GFPT1: variants seen among roughly 807,000 people sequenced by gnomAD.
GFPT1 encodes glutamine--fructose-6-phosphate aminotransferase [isomerizing] 1.
GFPT1 carries 40 observed loss-of-function variants against 92.0 expected under a neutral mutation model. The observed-to-expected ratio is 0.43, with a 90% confidence interval of 0.34 to 0.57. The LOEUF (loss-of-function observed/expected upper bound fraction) is 0.57, where lower values mean the gene tolerates loss of function less well. Ranked by LOEUF, GFPT1 falls within the 20% of genes least tolerant of loss-of-function variation. The pLI is 0.02. For missense variants in GFPT1, 448 were observed against 869.1 expected (o/e 0.52, Z 6.09); for synonymous variants, 269 against 280.6 (o/e 0.96, Z 0.41).
chr2:69,342,359 A>G, intron 12 of GFPT1, 110 bp from the exon 13 acceptor site: 2 of 749,454 alleles, frequency 2.7e-6, no homozygotes, highest in South Asian at 2.9e-5. Context: ...TGCTGTTTTA[A>G]AGAATTAATA....
chr2:69,350,657 C>T (rs1436793471), intron 9 of GFPT1, among the ~76,000 whole-genome samples: 1 of 152,058 alleles, frequency 6.6e-6, no homozygotes, highest in Admixed American at 6.5e-5. Flanking sequence ...AATCCTAGCA[C>T]TTTGGAAGGC....
At chr2:69,363,094 AAAT>A (rs914251299) in intron 4 of GFPT1, among the ~76,000 whole-genome samples, 1 of 151,970 alleles carries the variant, frequency 6.6e-6, no homozygotes, top group Non-Finnish European at 1.5e-5. Flanking sequence ...AAAAATACAA[AAAT>A]TAGCCAGGCA....
At chr2:69,371,183 C>G (rs1212769837) in intron 2 of GFPT1, 1 of 146,604 alleles carries the variant, frequency 6.8e-6, no homozygotes, top group East Asian at 2.1e-4. Context: ...TTCAGCAATT[C>G]TCCTGCCTCA....
intron 1 of GFPT1, among the ~76,000 whole-genome samples, chr2:69,384,403 A>C (rs1460031966): frequency 6.6e-6 from 1 of 152,170 alleles, no homozygotes; most frequent in East Asian, 1.9e-4. Context: ...CACAACGTTG[A>C]AATAAAATAA....
intron 7 of GFPT1, among the ~76,000 whole-genome samples, chr2:69,354,823 T>C (rs1671296705): frequency 6.6e-6 from 1 of 152,040 alleles, no homozygotes; most frequent in South Asian, 2.1e-4. Flanking sequence ...TCAAGACCAC[T>C]CTGGGAAACA....
intron 10 of GFPT1, among the ~76,000 whole-genome samples, chr2:69,348,600 T>G (rs1021516999): frequency 6.6e-6 from 1 of 152,154 alleles, no homozygotes; most frequent in Non-Finnish European, 1.5e-5. Flanking sequence ...CCTCATTCTA[T>G]CCATTACCAA....
chr2:69,340,976 T>C (rs1468680151), intron 13 of GFPT1, among the ~76,000 whole-genome samples: 1 of 152,112 alleles, frequency 6.6e-6, no homozygotes, highest in Non-Finnish European at 1.5e-5. Flanking sequence ...TTTTTTTTTT[T>C]TGAGACAGGG....
chr2:69,385,049 G>C, intron 1 of GFPT1, among the ~76,000 whole-genome samples: 1 of 152,100 alleles, frequency 6.6e-6, no homozygotes. Context: ...CTTAAAAGCA[G>C]GACCTCAGAA....
chr2:69,339,025 C>A (rs1196294561), intron 13 of GFPT1, among the ~76,000 whole-genome samples: 3 of 152,186 alleles, frequency 2.0e-5, no homozygotes, highest in Non-Finnish European at 4.4e-5. Flanking sequence ...ACCTCATGAT[C>A]TGCTCGCCTC....
intron 15 of GFPT1, among the ~76,000 whole-genome samples, chr2:69,337,668 C>T (rs1670833819): frequency 6.6e-6 from 1 of 152,128 alleles, no homozygotes; most frequent in African/African-American, 2.4e-5. Flanking sequence ...CCCTTTTAAA[C>T]TCTATCAGGA....
chr2:69,362,339 C>A (rs1028813609), intron 4 of GFPT1, among the ~76,000 whole-genome samples: 1 of 152,150 alleles, frequency 6.6e-6, no homozygotes. Flanking sequence ...GTTGCTCAGG[C>A]TGGTCTCAAA....
chr2:69,365,222 A>C (rs1671581643), intron 3 of GFPT1, among the ~76,000 whole-genome samples: 1 of 152,162 alleles, frequency 6.6e-6, no homozygotes, highest in Non-Finnish European at 1.5e-5. Flanking sequence ...TCATGCCTGT[A>C]ATCCCAGCAC....
At chr2:69,336,386 T>C (rs1454881120) in intron 15 of GFPT1, among the ~76,000 whole-genome samples, 1 of 150,942 alleles carries the variant, frequency 6.6e-6, no homozygotes, top group African/African-American at 2.4e-5. Flanking sequence ...AGAATTTTTA[T>C]ATAAGAATCA....
At chr2:69,365,750 A>G (rs1324822394) in intron 3 of GFPT1, among the ~76,000 whole-genome samples, 1 of 152,154 alleles carries the variant, frequency 6.6e-6, no homozygotes, top group Non-Finnish European at 1.5e-5. Flanking sequence ...ACCTCAAGAA[A>G]AATACCATTT....
At chr2:69,351,489 C>T (rs1164462859) in intron 9 of GFPT1, among the ~76,000 whole-genome samples, 1 of 152,136 alleles carries the variant, frequency 6.6e-6, no homozygotes, top group African/African-American at 2.4e-5. Context: ...TTAAAATGCA[C>T]ATATAAAGGC....
At chr2:69,352,612 CAAAAAA>C (rs748958210) in intron 9 of GFPT1, among the ~76,000 whole-genome samples, 4 of 47,378 alleles carry the variant, frequency 8.4e-5, no homozygotes, top group Non-Finnish European at 1.5e-4. Context: ...GACTTCGTCT[CAAAAAA>C]AAAAAAAAAA....
intron 9 of GFPT1, among the ~76,000 whole-genome samples, chr2:69,351,224 T>C (rs1401388005): frequency 6.6e-6 from 1 of 152,216 alleles, no homozygotes; most frequent in African/African-American, 2.4e-5. Flanking sequence ...AATTCTTGTA[T>C]TTCAGAATTA....
intron 12 of GFPT1, among the ~76,000 whole-genome samples, chr2:69,342,723 A>C (rs1670982020): frequency 6.6e-6 from 1 of 152,212 alleles, no homozygotes; most frequent in Non-Finnish European, 1.5e-5. Context: ...AGGTTTGTCA[A>C]ACTTAGAGTT....
intron 15 of GFPT1, among the ~76,000 whole-genome samples, chr2:69,336,435 G>A (rs1362073124): frequency 6.6e-6 from 1 of 151,708 alleles, no homozygotes; most frequent in Non-Finnish European, 1.5e-5. Context: ...GAATCTTTGA[G>A]GGAAAAGAAT....
Sources: allele counts gnomAD v4.1 joint callset (sites outside exome capture counted in the v4.1 genomes callset), GRCh38; gene constraint gnomAD v4.1.1; transcripts MANE v1.5; gene names NCBI Gene and HGNC (gene_info 2026-07-23, HGNC 2026-07-21).